AUTS2: variants seen among roughly 807,000 people sequenced by gnomAD.
AUTS2 encodes autism susceptibility gene 2 protein.
AUTS2 carries 17 observed loss-of-function variants against 112.4 expected under a neutral mutation model. That is an observed-to-expected ratio of 0.15 (90% CI 0.10 to 0.23). AUTS2 has a LOEUF of 0.23. Among genes scored for constraint, AUTS2 ranks in the 10% least tolerant of loss-of-function variants. AUTS2 has a pLI of 1.00. For missense variants in AUTS2, 1,510 were observed against 1,701.6 expected (o/e 0.89, Z 1.98); for synonymous variants, 751 against 702.7 (o/e 1.07, Z -1.09).
intron 5 of AUTS2, among the ~76,000 whole-genome samples, chr7:70,546,726 C>A (rs1800800644): frequency 6.6e-6 from 1 of 151,422 alleles, no homozygotes; most frequent in African/African-American, 2.4e-5. Flanking sequence ...TTTCAGTGAG[C>A]TGAGATCATG....
chr7:70,256,693 C>T (rs913849700), intron 4 of AUTS2, among the ~76,000 whole-genome samples: 1 of 152,124 alleles, frequency 6.6e-6, no homozygotes, highest in Non-Finnish European at 1.5e-5. Flanking sequence ...GACAACTTGC[C>T]CTTTATGCCT....
chr7:70,130,538 T>C (rs1237077185), intron 3 of AUTS2, among the ~76,000 whole-genome samples: 1 of 152,098 alleles, frequency 6.6e-6, no homozygotes, highest in Non-Finnish European at 1.5e-5. Flanking sequence ...GAAAATGTCT[T>C]TCAACTGTGC....
intron 4 of AUTS2, among the ~76,000 whole-genome samples, chr7:70,161,358 C>T (rs1808067031): frequency 6.6e-6 from 1 of 151,288 alleles, no homozygotes; most frequent in Admixed American, 6.6e-5. Context: ...GTTAAATATG[C>T]GACACTGGTC....
chr7:69,960,660 A>G, intron 2 of AUTS2, among the ~76,000 whole-genome samples: 1 of 152,190 alleles, frequency 6.6e-6, no homozygotes, highest in East Asian at 1.9e-4. Flanking sequence ...AGAGATGAAC[A>G]TGCAGAGTTA....
chr7:70,124,924 T>C (rs1464367790), intron 3 of AUTS2, among the ~76,000 whole-genome samples: 1 of 152,100 alleles, frequency 6.6e-6, no homozygotes, highest in Non-Finnish European at 1.5e-5. Flanking sequence ...TGACTACTGG[T>C]TTTTGTTTTT....
intron 5 of AUTS2, among the ~76,000 whole-genome samples, chr7:70,493,375 T>G (rs1017608302): frequency 6.6e-6 from 1 of 152,226 alleles, no homozygotes; most frequent in Admixed American, 6.5e-5. Flanking sequence ...GGATGGCTGA[T>G]GGGCTGGATG....
Position 69,609,597 on chromosome 7 carries a change from T to G in AUTS2, c.309+9635T>G, listed in dbSNP as rs140310988. Among the ~76,000 whole-genome samples the G allele has an allele frequency of 6.7e-3, 1,027 of 152,370 alleles. 7 individuals are homozygous for G. Among genetic ancestry groups the G allele is most frequent in the Non-Finnish European group, 9.5e-3 (645 of 68,030 alleles). On this transcript the variant is annotated intron_variant, in intron 1 of 18. Transcript: ENST00000342771. ...TGTAAAATTTTTAACATAATTTCTT[T>G]GTGTAAAATATTTTCTTTAGCCTAG... is the stretch of plus-strand genomic sequence containing the variant.
intron 1 of AUTS2, among the ~76,000 whole-genome samples, chr7:69,721,165 G>A (rs1327035219): frequency 6.6e-6 from 1 of 152,310 alleles, no homozygotes; most frequent in Admixed American, 6.5e-5. Context: ...GCTCCATGCA[G>A]TTTTGCCTCC....
chr7:70,745,008 GATTTCAGTATTATATTAATA>G (rs1248176399), intron 6 of AUTS2, among the ~76,000 whole-genome samples: 6 of 150,680 alleles, frequency 4.0e-5, no homozygotes, highest in African/African-American at 1.5e-4. Flanking sequence ...GGAAAATGGT[GATTTCAGTATTATATTAATA>G]ATTAGCAATT....
intron 2 of AUTS2, among the ~76,000 whole-genome samples, chr7:69,994,403 A>C (rs1798860079): frequency 6.6e-6 from 1 of 152,202 alleles, no homozygotes; most frequent in Non-Finnish European, 1.5e-5. Flanking sequence ...TGTTACTGCC[A>C]ATTTCTAACC....
At chr7:70,450,909 G>T (rs972177110) in intron 5 of AUTS2, among the ~76,000 whole-genome samples, 1 of 152,122 alleles carries the variant, frequency 6.6e-6, no homozygotes, top group Non-Finnish European at 1.5e-5. Flanking sequence ...AGGCTGACTG[G>T]GTCAGTATTG....
intron 4 of AUTS2, among the ~76,000 whole-genome samples, chr7:70,333,151 A>G (rs1208721582): frequency 6.6e-6 from 1 of 152,252 alleles, no homozygotes; most frequent in African/African-American, 2.4e-5. Context: ...TGGGCGAAGG[A>G]TCTGAACAGA....
At chr7:70,184,084 T>G (rs933171500) in intron 4 of AUTS2, among the ~76,000 whole-genome samples, 1 of 152,166 alleles carries the variant, frequency 6.6e-6, no homozygotes, top group African/African-American at 2.4e-5. Flanking sequence ...GCCCAAGAGT[T>G]AGTACCTCAG....
intron 5 of AUTS2, among the ~76,000 whole-genome samples, chr7:70,517,676 A>C (rs1322633035): frequency 6.6e-6 from 1 of 151,234 alleles, no homozygotes; most frequent in Admixed American, 6.6e-5. Flanking sequence ...ATTTGTGTCC[A>C]GTTAATGATA....
chr7:70,670,492 C>T (rs942214374), intron 5 of AUTS2, among the ~76,000 whole-genome samples: 5 of 152,142 alleles, frequency 3.3e-5, no homozygotes, highest in Non-Finnish European at 7.3e-5. Context: ...AAGTTCTTGC[C>T]GTCGAGTTGA....
At chr7:69,793,979 G>C (rs535769998) in intron 1 of AUTS2, among the ~76,000 whole-genome samples, 1 of 152,160 alleles carries the variant, frequency 6.6e-6, no homozygotes, top group East Asian at 1.9e-4. Flanking sequence ...CACTCAAAGC[G>C]GGGGTGATTG....
At chr7:70,759,476 C>T (rs1789421309) in intron 6 of AUTS2, among the ~76,000 whole-genome samples, 2 of 152,212 alleles carry the variant, frequency 1.3e-5, no homozygotes, top group African/African-American at 4.8e-5. Flanking sequence ...ATCAGATGTT[C>T]AGGTGATTTG....
At chr7:70,448,620 A>G (rs1585157460) in intron 5 of AUTS2, among the ~76,000 whole-genome samples, 1 of 152,314 alleles carries the variant, frequency 6.6e-6, no homozygotes, top group Middle Eastern at 3.4e-3. Context: ...TTTCTCTCAG[A>G]TGGTCGTTTA....
intron 1 of AUTS2, among the ~76,000 whole-genome samples, chr7:69,683,061 C>T (rs575684934): frequency 2.6e-5 from 4 of 152,302 alleles, no homozygotes; most frequent in South Asian, 2.1e-4. Context: ...GGGCTCAGAA[C>T]GGAAAACCCC....
Sources: gnomAD v4.1 joint callset for allele counts (sites outside exome capture counted in the v4.1 genomes callset) on GRCh38, gnomAD v4.1.1 for gene constraint, MANE v1.5 for transcripts, NCBI Gene and HGNC (gene_info 2026-07-23, HGNC 2026-07-21) for gene names.